MAPK10: variants seen among roughly 807,000 people sequenced by gnomAD.
MAPK10 encodes JNK3 alpha protein kinase.
In MAPK10, 25 loss-of-function variants were observed where a neutral mutation model predicts 59.3. The ratio of observed to expected loss-of-function variants is 0.42; its 90% CI spans 0.31 to 0.59. The LOEUF (loss-of-function observed/expected upper bound fraction) is 0.59. MAPK10 is among the 20% of genes least tolerant of loss of function. The pLI is 0.15. For synonymous variants in MAPK10, 190 were observed against 200.5 expected (o/e 0.95, Z 0.44); for missense variants, 351 against 568.9 (o/e 0.62, Z 3.90).
chr4:86,201,479 T>C (rs1201209697), intron 2 of MAPK10, among the ~76,000 whole-genome samples: 2 of 151,888 alleles, frequency 1.3e-5, no homozygotes, highest in Non-Finnish European at 2.9e-5. Flanking sequence ...TTTATCTTCC[T>C]TGGTGAAGTG....
At chr4:86,475,560 T>G (rs1012024101) in intron 1 of MAPK10, among the ~76,000 whole-genome samples, 6 of 152,160 alleles carry the variant, frequency 3.9e-5, no homozygotes, top group African/African-American at 1.4e-4. Context: ...GGTCACGGAC[T>G]CGGGAAGACA....
intron 2 of MAPK10, among the ~76,000 whole-genome samples, chr4:86,317,923 GCT>G (rs1019995498): frequency 7.2e-5 from 11 of 152,158 alleles, no homozygotes; most frequent in Non-Finnish European, 1.3e-4. Context: ...CTCGTTTCTT[GCT>G]TCTTGCTTCT....
chr4:86,118,617 T>C (rs750295381), intron 4 of MAPK10, among the ~76,000 whole-genome samples: 5 of 147,898 alleles, frequency 3.4e-5, no homozygotes, highest in Non-Finnish European at 6.0e-5. Context: ...CACACACACA[T>C]CTCTGAAGGC....
At chr4:86,141,246 A>G (rs1285417861) in intron 4 of MAPK10, among the ~76,000 whole-genome samples, 3 of 152,220 alleles carry the variant, frequency 2.0e-5, no homozygotes, top group Admixed American at 1.3e-4. Context: ...TGACACTGGT[A>G]TCTTACAAAA....
chr4:86,183,134 TG>T (rs199675185), intron 3 of MAPK10, among the ~76,000 whole-genome samples: 3,325 of 141,406 alleles, frequency 0.024, 57 homozygotes, highest in African/African-American at 0.052. Context: ...TAGTTTTGGC[TG>T]GTTTTTTTTT....
intron 9 of MAPK10, chr4:86,081,141 TAG>T (rs1055177290): frequency 2.0e-5 from 3 of 152,010 alleles, no homozygotes; most frequent in Non-Finnish European, 4.4e-5. Flanking sequence ...GGAAACTTAT[TAG>T]AGAGACAGAA....
At chr4:86,592,023 T>C (rs1012908281) in intron 1 of MAPK10, among the ~76,000 whole-genome samples, 1 of 152,040 alleles carries the variant, frequency 6.6e-6, no homozygotes, top group Non-Finnish European at 1.5e-5. Flanking sequence ...ACAAAATCCT[T>C]TTCAGCATCA....
intron 9 of MAPK10, among the ~76,000 whole-genome samples, chr4:86,075,548 A>T (rs2049124927): frequency 6.6e-6 from 1 of 152,108 alleles, no homozygotes; most frequent in African/African-American, 2.4e-5. Flanking sequence ...GTCTTTGATG[A>T]TAGTGATGTA....
At chr4:86,057,074 C>G (rs935904453) in intron 11 of MAPK10, among the ~76,000 whole-genome samples, 3 of 148,978 alleles carry the variant, frequency 2.0e-5, no homozygotes, top group Non-Finnish European at 4.4e-5. Flanking sequence ...AGCGATTCTC[C>G]TGCCTCAGCC....
chr4:86,533,381 T>C (rs1197340551), intron 1 of MAPK10, among the ~76,000 whole-genome samples: 1 of 152,178 alleles, frequency 6.6e-6, no homozygotes, highest in African/African-American at 2.4e-5. Context: ...AATTGTGTAC[T>C]TAAAAAAGAT....
At chr4:86,128,235 C>T (rs1199999369) in intron 4 of MAPK10, among the ~76,000 whole-genome samples, 2 of 152,098 alleles carry the variant, frequency 1.3e-5, no homozygotes, top group Non-Finnish European at 2.9e-5. Context: ...GCTTTACATA[C>T]ATGAGTAACT....
chr4:86,552,223 C>T (rs1173853244), intron 1 of MAPK10, among the ~76,000 whole-genome samples: 1 of 151,744 alleles, frequency 6.6e-6, no homozygotes, highest in Non-Finnish European at 1.5e-5. Flanking sequence ...AATTCAAGAA[C>T]AGCCTGGGCA....
intron 4 of MAPK10, chr4:86,119,669 A>T (rs2149110012): frequency 6.6e-6 from 1 of 152,220 alleles, no homozygotes; most frequent in South Asian, 2.1e-4. Flanking sequence ...TGATGCAAGA[A>T]GATTCCCTGT....
intron 2 of MAPK10, among the ~76,000 whole-genome samples, chr4:86,214,449 A>G (rs1409093018): frequency 6.0e-5 from 9 of 151,258 alleles, no homozygotes; most frequent in Non-Finnish European, 1.2e-4. Context: ...GAAAGGAAAA[A>G]GTACAATTAT....
chr4:86,107,622 A>G, intron 4 of MAPK10: 1 of 1,068,218 alleles, frequency 9.4e-7, no homozygotes, highest in Non-Finnish European at 1.1e-6. Context: ...AAGGAGAAGA[A>G]AAAGATCTTG....
At chr4:86,021,836 A>T (rs989653122) in intron 13 of MAPK10, among the ~76,000 whole-genome samples, 6 of 152,222 alleles carry the variant, frequency 3.9e-5, no homozygotes, top group African/African-American at 1.4e-4. Flanking sequence ...CACCTTCCGC[A>T]GCCACTGGCC....
intron 2 of MAPK10, among the ~76,000 whole-genome samples, chr4:86,265,885 C>T (rs1317974969): frequency 6.6e-6 from 1 of 152,046 alleles, no homozygotes; most frequent in Non-Finnish European, 1.5e-5. Flanking sequence ...GGTTCATTAC[C>T]GCTTCTGCAT....
intron 2 of MAPK10, among the ~76,000 whole-genome samples, chr4:86,291,641 G>A (rs184943397): frequency 1.4e-4 from 22 of 152,180 alleles, no homozygotes; most frequent in Non-Finnish European, 2.2e-4. Context: ...CATTTATACC[G>A]TAGTATAAAT....
chr4:86,040,928 G>A (rs2041390903), intron 11 of MAPK10: 1 of 152,134 alleles, frequency 6.6e-6, no homozygotes, highest in Admixed American at 6.5e-5. Context: ...AACAAAAGTT[G>A]AGGGAGTTCA....
Sources: gnomAD v4.1 joint callset for allele counts (sites outside exome capture counted in the v4.1 genomes callset) on GRCh38, gnomAD v4.1.1 for gene constraint, MANE v1.5 for transcripts, NCBI Gene and HGNC (gene_info 2026-07-23, HGNC 2026-07-21) for gene names.